The following GABRD variants were observed in gnomAD, a reference collection of about 807,000 sequenced individuals.
The protein encoded by GABRD is gamma-aminobutyric acid receptor subunit delta.
GABRD carries 25 observed loss-of-function variants against 47.3 expected under a neutral mutation model. That is an observed-to-expected ratio of 0.53 (90% CI 0.39 to 0.74). The LOEUF is 0.74. GABRD is among the 30% of genes least tolerant of loss of function. The pLI, the probability that GABRD is intolerant of heterozygous loss-of-function variation, is 0.00. For missense variants in GABRD, 497 were observed against 643.4 expected (o/e 0.77, Z 2.46); for synonymous variants, 314 against 278.8 (o/e 1.13, Z -1.26).
Position 2,029,220 on chromosome 1 carries a change from C to A in GABRD, c.801C>A (p.Val267=). Reference sequence around the variant, plus strand: ...TCCTGCTGGTCGCCATGTCCTGGGTCTCCTTCTGGATCAGCCAGGCGGCGG... The same window carrying A: ...TCCTGCTGGTCGCCATGTCCTGGGTATCCTTCTGGATCAGCCAGGCGGCGG... ...PSVLLVAMSW[V]SFWISQAAVP... is the part of the protein sequence containing the mutation. Residue 267 remains valine (V), a synonymous_variant, in exon 7 of 9, where the codon GTC becomes GTA. Coordinates refer to ENST00000378585, the MANE Select transcript of GABRD (RefSeq NM_000815.5). The A allele has an allele frequency of 6.4e-7, 1 of 1,574,202 alleles. No homozygotes were observed. Among genetic ancestry groups the A allele is most frequent in the Non-Finnish European group, 8.6e-7 (1 of 1,161,232 alleles).
In GABRD at chr1:2,030,033, C is replaced by G. The variant is rs1202100704; in HGVS notation, c.1110C>G (p.Val370=). The part of the protein sequence containing the change: ...IVLFSLSAAG[V]TQELAISRRQ... ...TCTTCTCCCTCTCTGCTGCCGGCGT[C>G]ACGCAGGAGCTGGCCATCTCCCGCC... Residue 370 remains valine, a synonymous_variant, in exon 9 of 9, where the codon GTC becomes GTG. Transcript: ENST00000378585. 1 of 1,612,502 alleles carries G rather than the reference C, an allele frequency of 6.2e-7. No homozygotes were observed. The highest frequency in any genetic ancestry group is 2.2e-5 in the East Asian group (1 of 44,886).
At chr1:2,025,863 A>T in intron 4 of GABRD, 125 bp downstream of exon 4, 3 of 717,816 alleles carry the variant, frequency 4.2e-6, no homozygotes, top group Non-Finnish European at 6.9e-6. Context: ...GGGCGGGCGG[A>T]GGGGGGGGCA....
chr1:2,026,971 T>A (rs1247100627), intron 4 of GABRD: 2 of 165,076 alleles, frequency 1.2e-5, no homozygotes, highest in South Asian at 1.5e-4. Context: ...CTGGGCAACA[T>A]AGGGAGATCC....
At position 2,028,142 on chromosome 1, in the gene GABRD, G is replaced by T. The variant is rs1658979448; in HGVS notation, c.554-13G>T. 1 of 1,603,438 alleles carries T rather than the reference G, an allele frequency of 6.2e-7. No homozygotes were observed. Among genetic ancestry groups the T allele is most frequent in the Non-Finnish European group, 8.5e-7 (1 of 1,172,970 alleles). Reference sequence around the variant, plus strand: ...GCCGGGCTCTGCCGCCCACCTGTGTGCTTTTCCTCCAGACGGTTACTCATC... The same window carrying T: ...GCCGGGCTCTGCCGCCCACCTGTGTTCTTTTCCTCCAGACGGTTACTCATC... On this transcript the variant is annotated splice_polypyrimidine_tract_variant and intron_variant, in intron 5 of 8. Coordinates refer to ENST00000378585, the MANE Select transcript of GABRD (RefSeq NM_000815.5). The surrounding 1 kb of genome is among the most constrained non-coding windows in gnomAD (Gnocchi z 6.4).
chr1:2,021,623 G>A (rs945100071), intron 1 of GABRD, among the ~76,000 whole-genome samples: 4 of 152,162 alleles, frequency 2.6e-5, no homozygotes, highest in African/African-American at 4.8e-5. Context: ...CCGTGCACGC[G>A]GCAGGCACCG....
At position 2,019,385 on chromosome 1, in the gene GABRD, C is replaced by T; in HGVS notation, c.-39C>T. ...GTGCCGCCTGTGCGGCCGCCGGGAG[C>T]CAAGTTTGCGCGGACCCCGTCCCGA... On this transcript the variant is annotated 5_prime_UTR_variant, in exon 1 of 9. Transcript: ENST00000378585. The T allele has an allele frequency of 9.6e-7, 1 of 1,036,606 alleles. No individual in the cohort carries two copies. The highest frequency in any genetic ancestry group is 9.0e-5 in the East Asian group (1 of 11,094). The allele number at this position is 1,036,606 out of a possible 1,614,324, so 64.2% of individuals were successfully genotyped here.
intron 4 of GABRD, chr1:2,026,413 C>G (rs72636356): frequency 0.016 from 2,369 of 152,482 alleles, 30 homozygotes; most frequent in Middle Eastern, 0.037. Flanking sequence ...CCGAGGGGCG[C>G]TTGGGTGGCT....
Position 2,029,254 on chromosome 1 carries a change from AG to A in GABRD, c.838del (p.Val280CysfsTer3). Reference sequence around the variant, plus strand: ...GATCAGCCAGGCGGCGGTGCCCGCCAGGGTGTCTCTAGGTACGGGGCCTCGC... The same window carrying A: ...GATCAGCCAGGCGGCGGTGCCCGCCAGGTGTCTCTAGGTACGGGGCCTCGC... ...FWISQAAVPA[R>X]VSLGITTVLT... On this transcript the variant is annotated frameshift_variant, in exon 7 of 9. Transcript: ENST00000378585. LOFTEE classifies it high-confidence loss of function. The A allele has an allele frequency of 6.4e-7, 1 of 1,562,832 alleles. No homozygotes were observed. Among genetic ancestry groups the A allele is most frequent in the Non-Finnish European group, 8.7e-7 (1 of 1,155,798 alleles).
In GABRD at chr1:2,030,324, G is replaced by A. The variant is rs749922531; in HGVS notation, c.*42G>A. The A allele has an allele frequency of 6.8e-6, 10 of 1,465,134 alleles. No homozygotes were observed. The highest frequency in any genetic ancestry group is 2.9e-5 in the South Asian group (2 of 69,478). The allele number at this position is 1,465,134 out of a possible 1,614,324, so 90.8% of individuals were successfully genotyped here. On this transcript the variant is annotated 3_prime_UTR_variant, in exon 9 of 9. Transcript: ENST00000378585. ...ACCCTCGCTTGTCCTGGCGCCCGGC[G>A]GCAGCTGCCCAGAAACTTCCTGGGA...
chr1:2,029,546 G>A lies in GABRD; in HGVS notation c.848-5G>A, dbSNP rs765992334. The A allele has an allele frequency of 3.7e-6, 6 of 1,612,152 alleles. No homozygotes were observed. Among genetic ancestry groups the A allele is most frequent in the African/African-American group, 1.3e-5 (1 of 75,060 alleles). On this transcript the variant is annotated splice_polypyrimidine_tract_variant and splice_region_variant and intron_variant, in intron 7 of 8. Transcript: ENST00000378585. Reference sequence around the variant, plus strand: ...TACGACAATGGCACCACCTGTGCCCGGCAGGCATCACCACGGTGCTGACGA... The same window carrying A: ...TACGACAATGGCACCACCTGTGCCCAGCAGGCATCACCACGGTGCTGACGA...
At position 2,030,069 on chromosome 1, in the gene GABRD, C is replaced by A. The variant is rs374718450; in HGVS notation, c.1146C>A (p.Arg382=). ...QELAISRRQR[R]VPGNLMGSYR... ...TGGCCATCTCCCGCCGGCAGCGCCG[C>A]GTCCCGGGGAACCTGATGGGCTCCT... The change falls in exon 9 of 9, where the codon CGC becomes CGA. Residue 382 remains arginine, a synonymous_variant. Coordinates refer to ENST00000378585, the MANE Select transcript of GABRD (RefSeq NM_000815.5). The A allele has an allele frequency of 1.1e-4, 179 of 1,609,374 alleles. No individual in the cohort carries two copies. Among genetic ancestry groups the A allele is most frequent in the Non-Finnish European group, 1.5e-4 (171 of 1,178,354 alleles).
At chr1:2,019,687 C>G (rs1442890960) in intron 1 of GABRD, among the ~76,000 whole-genome samples, 196 bp downstream of exon 1, 1 of 151,844 alleles carries the variant, frequency 6.6e-6, no homozygotes, top group African/African-American at 2.4e-5. Flanking sequence ...CCCTTGGGCT[C>G]GGGACGCGGC....
chr1:2,025,459 G>GCTGCATGC, intron 3 of GABRD, 58 bp downstream of exon 3: 1 of 1,611,876 alleles, frequency 6.2e-7, no homozygotes, highest in Non-Finnish European at 8.5e-7. Context: ...TCTGCCCTGG[G>GCTGCATGC]CTGCATGCCC....
At chr1:2,025,257 G>T in intron 2 of GABRD, 77 bp from the exon 3 acceptor site, 1 of 1,552,200 alleles carries the variant, frequency 6.4e-7, no homozygotes, top group South Asian at 1.1e-5. Context: ...CCTGTGACTG[G>T]GACCCCGGCA....
At chr1:2,020,050 C>A (rs904392854) in intron 1 of GABRD, among the ~76,000 whole-genome samples, 1 of 152,254 alleles carries the variant, frequency 6.6e-6, no homozygotes, top group Non-Finnish European at 1.5e-5. Flanking sequence ...GTGGGCAGAA[C>A]TCCTGAGTGT....
At chr1:2,029,882 C>T in intron 8 of GABRD, 101 bp from the exon 9 acceptor site, 2 of 1,515,468 alleles carry the variant, frequency 1.3e-6, no homozygotes, top group Non-Finnish European at 1.8e-6. Context: ...GCTGGAGCTG[C>T]TGGTCCAGGC....
At chr1:2,025,437 G>C in intron 3 of GABRD, 36 bp downstream of exon 3, 1 of 1,612,520 alleles carries the variant, frequency 6.2e-7, no homozygotes, top group Non-Finnish European at 8.5e-7. Context: ...GGCACGGTGG[G>C]TGCCCACAGC....
chr1:2,030,398 G>A lies in GABRD; in HGVS notation c.*116G>A. On this transcript the variant is annotated 3_prime_UTR_variant, in exon 9 of 9. Transcript: ENST00000378585. ...CCCTCTGCGTGTTTCGAAGTGGGATGACAGTCGGCCACGGAAAACAAGAGG... is the reference window on the plus strand; with the variant it reads ...CCCTCTGCGTGTTTCGAAGTGGGATAACAGTCGGCCACGGAAAACAAGAGG... 1.1e-6 allele frequency: 1 copy of A among 932,368 alleles called. No homozygotes were observed. Among genetic ancestry groups the A allele is most frequent in the African/African-American group, 1.7e-5 (1 of 58,288 alleles). The allele number at this position is 932,368 out of a possible 1,614,324, so 57.8% of individuals were successfully genotyped here. A position where few individuals can be genotyped will look rare whatever the true frequency, so the allele number is the denominator to read the frequency against.
rs148759548 is a variant in GABRD, at chr1:2,030,633, G to A, written c.*351G>A. On this transcript the variant is annotated 3_prime_UTR_variant, in exon 9 of 9. Transcript: ENST00000378585. ...TTCTAGGTCTTTGCTCTGCAGGATC[G>A]GGATCAGAGCGTGGGAGGAGGTGGG... The A allele has an allele frequency of 2.3e-4, 48 of 212,750 alleles. No individual in the cohort carries two copies. The East Asian group carries it at 3.9e-3, about 17-fold the overall frequency. The allele number at this position is 212,750 out of a possible 1,614,324, so 13.2% of individuals were successfully genotyped here.
Sources: gnomAD v4.1 joint callset for allele counts (sites outside exome capture counted in the v4.1 genomes callset) on GRCh38, gnomAD v4.1.1 for gene constraint, Gnocchi (gnomAD v3.1) non-coding constraint, MANE v1.5 for transcripts, NCBI Gene and HGNC (gene_info 2026-07-23, HGNC 2026-07-21) for gene names.